The following MYO9B variants were observed in gnomAD, a reference collection of about 807,000 sequenced individuals.
MYO9B encodes unconventional myosin-IXb.
Under a neutral mutation model 229.5 loss-of-function variants are expected in MYO9B, and 71 were observed. The ratio of observed to expected loss-of-function variants is 0.31; its 90% CI spans 0.26 to 0.38. The LOEUF is 0.38. Ranked by LOEUF, MYO9B falls within the 10% of genes least tolerant of loss-of-function variation. The pLI, the probability that MYO9B is intolerant of heterozygous loss-of-function variation, is 1.00. For missense variants in MYO9B, 2,255 were observed against 2,920.5 expected (o/e 0.77, Z 5.25); for synonymous variants, 1,185 against 1,235.8 (o/e 0.96, Z 0.86).
intron 19 of MYO9B, among the ~76,000 whole-genome samples, chr19:17,190,843 C>G (rs146288139): frequency 0.013 from 2,027 of 152,124 alleles, 19 homozygotes; most frequent in Non-Finnish European, 0.023. Context: ...TGGGGTTTCA[C>G]CATGTTGGCC....
rs1238231386 is a variant in MYO9B at position 17,209,601 on chromosome 19, G to C, written c.5640G>C (p.Leu1880=). The change falls in exon 36 of 40, where the codon CTG becomes CTC. Residue 1880 remains leucine, a synonymous_variant. Coordinates refer to ENST00000682292, the MANE Select transcript of MYO9B (RefSeq NM_004145.4). ...VLKITTCVEM[L]IKEQMRKYKV... is the part of the protein sequence containing the mutation. ...TTCTCTGTAGGTGCGTGGAGATGCT[G>C]ATCAAGGAGCAGATGAGGAAATACA... is the stretch of plus-strand genomic sequence containing the variant. 3.1e-6 allele frequency: 5 copies of C among 1,596,896 alleles called. No homozygotes were observed. Among genetic ancestry groups the C allele is most frequent in the Non-Finnish European group, 4.3e-6 (5 of 1,171,906 alleles).
chr19:17,153,323 T>C (rs557712067), intron 4 of MYO9B, among the ~76,000 whole-genome samples: 2 of 148,054 alleles, frequency 1.4e-5, no homozygotes, highest in Admixed American at 6.9e-5. Context: ...TGCCTCAGCC[T>C]CCCGAGTAGC....
At chr19:17,133,276 T>G (rs1295800418) in intron 2 of MYO9B, among the ~76,000 whole-genome samples, 1 of 152,184 alleles carries the variant, frequency 6.6e-6, no homozygotes, top group African/African-American at 2.4e-5. Context: ...ACTCAACATG[T>G]TTTGTGATGA....
At chr19:17,170,831 T>TAAAAAAAAAAAAAA (rs548201494) in intron 11 of MYO9B, among the ~76,000 whole-genome samples, 1 of 120,862 alleles carries the variant, frequency 8.3e-6, no homozygotes, top group African/African-American at 3.2e-5. Context: ...CTCTAAAAAT[T>TAAAAAAAAAAAAAA]AAAAAAAAAA....
intron 1 of MYO9B, among the ~76,000 whole-genome samples, chr19:17,093,495 C>T (rs897466345): frequency 3.9e-5 from 6 of 152,148 alleles, no homozygotes; most frequent in Admixed American, 2.6e-4. Context: ...ACCAGGTGAG[C>T]GATACCATGT....
chr19:17,205,663 AG>A (rs768141966), intron 31 of MYO9B, among the ~76,000 whole-genome samples: 1 of 152,072 alleles, frequency 6.6e-6, no homozygotes, highest in Non-Finnish European at 1.5e-5. Flanking sequence ...GTGCAGCAAG[AG>A]TCAGGGTCTA....
At chr19:17,163,370 CA>C in intron 10 of MYO9B, among the ~76,000 whole-genome samples, 2 of 120,630 alleles carry the variant, frequency 1.7e-5, no homozygotes, top group Non-Finnish European at 1.6e-5. Context: ...CACCCCATTC[CA>C]CTTTTTTTTT....
At chr19:17,160,762 G>C (rs10404952) in intron 8 of MYO9B, among the ~76,000 whole-genome samples, 58,017 of 151,690 alleles carry the variant, frequency 0.38, 11,577 homozygotes, top group African/African-American at 0.51. Flanking sequence ...TGCAATGGCA[G>C]GATCTCGGCT....
intron 36 of MYO9B, 120 bp downstream of exon 36, chr19:17,209,829 G>A: frequency 2.3e-6 from 3 of 1,315,426 alleles, no homozygotes; most frequent in Non-Finnish European, 2.1e-6. Context: ...TGGTGGGCGG[G>A]GCCTTGGGTG....
intron 26 of MYO9B, 135 bp downstream of exon 26, chr19:17,200,964 G>C: frequency 9.6e-7 from 1 of 1,040,480 alleles, no homozygotes. Flanking sequence ...TCAGGCCGGG[G>C]ACAGTGGTTC....
At chr19:17,191,307 T>A in intron 20 of MYO9B, 88 bp downstream of exon 20, 1 of 1,426,584 alleles carries the variant, frequency 7.0e-7, no homozygotes, top group Non-Finnish European at 9.4e-7. Flanking sequence ...AGGGCCACTC[T>A]CTGAAACATA....
chr19:17,209,523 C>G, intron 35 of MYO9B, 63 bp from the exon 36 acceptor site: 1 of 1,529,532 alleles, frequency 6.5e-7, no homozygotes, highest in South Asian at 1.2e-5. Context: ...TAGCATCTCC[C>G]TGGACCTCAG....
intron 1 of MYO9B, among the ~76,000 whole-genome samples, chr19:17,083,984 G>T (rs78136485): frequency 0.034 from 5,128 of 152,096 alleles, 102 homozygotes; most frequent in Middle Eastern, 0.065. Flanking sequence ...AATGGGGAAG[G>T]AGAGAGGAGA....
intron 10 of MYO9B, among the ~76,000 whole-genome samples, chr19:17,163,338 C>G (rs2072625031): frequency 6.6e-6 from 1 of 151,760 alleles, no homozygotes; most frequent in South Asian, 2.1e-4. Flanking sequence ...CTCCCCATTC[C>G]CCCTCTTGCA....
At chr19:17,176,098 C>G (rs964045141) in intron 14 of MYO9B, among the ~76,000 whole-genome samples, 2 of 152,164 alleles carry the variant, frequency 1.3e-5, no homozygotes, top group Admixed American at 1.3e-4. Flanking sequence ...GGCGTGATCT[C>G]GGCTCACTGC....
chr19:17,124,420 A>G (rs2057994821), intron 2 of MYO9B, among the ~76,000 whole-genome samples: 1 of 152,218 alleles, frequency 6.6e-6, no homozygotes, highest in Non-Finnish European at 1.5e-5. Flanking sequence ...ACAATGCAAT[A>G]AAACTTCGTG....
At chr19:17,150,643 A>G (rs993884138) in intron 3 of MYO9B, among the ~76,000 whole-genome samples, 3 of 108,962 alleles carry the variant, frequency 2.8e-5, no homozygotes, top group African/African-American at 8.0e-5. Flanking sequence ...AGCTGGTGCG[A>G]AAGGATCCCA....
At position 17,201,983 on chromosome 19, in the gene MYO9B, G is replaced by A. The variant is rs950040470; in HGVS notation, c.4621G>A (p.Glu1541Lys). The change falls in exon 27 of 40, where the codon GAG becomes AAG. Residue 1541 changes from glutamate (E) to lysine (K), a missense_variant. By Grantham distance (56) the Glu-to-Lys change is moderately conservative. Coordinates refer to ENST00000682292, the MANE Select transcript of MYO9B (RefSeq NM_004145.4). ...PIESLFIEATEKFRSNIKTMY... is the reference protein window; with the variant it reads ...PIESLFIEATKKFRSNIKTMY... ...TGAGAGCTTGTTTATCGAAGCCACC[G>A]AGAAGTTCAGGAGCAACATCAAAAC... The A allele has an allele frequency of 5.6e-6, 9 of 1,612,764 alleles. No individual in the cohort carries two copies. Among genetic ancestry groups the A allele is most frequent in the Middle Eastern group, 1.6e-4 (1 of 6,082 alleles).
chr19:17,137,199 G>A (rs1568268562), intron 2 of MYO9B, among the ~76,000 whole-genome samples: 1 of 148,088 alleles, frequency 6.8e-6, no homozygotes, highest in Non-Finnish European at 1.5e-5. Context: ...TTGCACTCCA[G>A]CCTGGGCAAC....
Sources: allele counts gnomAD v4.1 joint callset (sites outside exome capture counted in the v4.1 genomes callset), GRCh38; gene constraint gnomAD v4.1.1; transcripts MANE v1.5; gene names NCBI Gene and HGNC (gene_info 2026-07-23, HGNC 2026-07-21).